TTC3: variants seen among roughly 807,000 people sequenced by gnomAD.
The protein encoded by TTC3 is tetratricopeptide repeat domain 3, also known as E3 ubiquitin-protein ligase TTC3.
Under a neutral mutation model 249.6 loss-of-function variants are expected in TTC3, and 180 were observed. That is an observed-to-expected ratio of 0.72 (90% CI 0.64 to 0.82). The LOEUF (loss-of-function observed/expected upper bound fraction) is 0.82. TTC3 is among the 40% of genes least tolerant of loss of function. The probability of loss-of-function intolerance (pLI) is 0.00; values close to 1 mark genes in which losing one functional copy is unlikely to be tolerated. For missense variants in TTC3, 2,061 were observed against 2,398.4 expected (o/e 0.86, Z 2.94); for synonymous variants, 717 against 805.0 (o/e 0.89, Z 1.85).
intron 36 of TTC3, among the ~76,000 whole-genome samples, chr21:37,184,143 C>G (rs73905425): frequency 0.022 from 3,315 of 152,220 alleles, 124 homozygotes; most frequent in African/African-American, 0.076. Flanking sequence ...AACACACTTA[C>G]GGAAACAATA....
At chr21:37,073,534 A>G (rs1397904071) in intron 1 of TTC3, 61 bp downstream of exon 1, 1 of 830,800 alleles carries the variant, frequency 1.2e-6, no homozygotes, top group Non-Finnish European at 1.3e-6. Context: ...CTGTGTCTGC[A>G]TGGGTTGGGT....
At chr21:37,162,642 G>C (rs1340221774) in intron 31 of TTC3, among the ~76,000 whole-genome samples, 1 of 114,700 alleles carries the variant, frequency 8.7e-6, no homozygotes, top group East Asian at 2.5e-4. Flanking sequence ...TTTCTTAAAG[G>C]AGCTATCAGA....
In TTC3 at chr21:37,093,923, A is replaced by G. The variant is rs192400894; in HGVS notation, c.602-82A>G. On this transcript the variant is annotated intron_variant, in intron 7 of 45. Transcript: ENST00000355666. ...GGACCGTTGTGGACTCACCTAACTC[A>G]AGAATTAGAATATTATCAATACCAA... The G allele has an allele frequency of 8.4e-3, 7,314 of 873,168 alleles. 37 individuals carry two copies. Among genetic ancestry groups the G allele is most frequent in the Non-Finnish European group, 0.012 (6,309 of 541,734 alleles). 54.1% of individuals were successfully genotyped at this position (873,168 alleles called of 1,614,324 possible).
intron 11 of TTC3, among the ~76,000 whole-genome samples, chr21:37,113,364 C>T (rs2075842560): frequency 6.6e-6 from 1 of 152,140 alleles, no homozygotes; most frequent in Admixed American, 6.5e-5. Context: ...AATCAATGTG[C>T]AAAAATCACA....
chr21:37,080,885 A>G (rs1601225174), intron 1 of TTC3, among the ~76,000 whole-genome samples: 1 of 151,988 alleles, frequency 6.6e-6, no homozygotes, highest in South Asian at 2.1e-4. Flanking sequence ...ATCTCACCAG[A>G]CAACTTCTGT....
intron 1 of TTC3, among the ~76,000 whole-genome samples, chr21:37,077,955 A>G (rs1241704276): frequency 6.6e-6 from 1 of 152,066 alleles, no homozygotes; most frequent in African/African-American, 2.4e-5. Flanking sequence ...GTTTCTTTTT[A>G]GAGGTTTTAA....
At chr21:37,191,560 C>T (rs1375398241) in intron 40 of TTC3, 136 bp downstream of exon 40, 2 of 532,028 alleles carry the variant, frequency 3.8e-6, no homozygotes, top group East Asian at 3.6e-5. Context: ...GTATTATGAG[C>T]TTTTCATGGA....
At chr21:37,162,853 G>A (rs2080893093) in intron 31 of TTC3, among the ~76,000 whole-genome samples, 1 of 152,148 alleles carries the variant, frequency 6.6e-6, no homozygotes, top group South Asian at 2.1e-4. Context: ...TTCAGTGTTT[G>A]GTGAGGGCCT....
At chr21:37,136,287 G>A (rs2077931131) in intron 18 of TTC3, among the ~76,000 whole-genome samples, 1 of 152,208 alleles carries the variant, frequency 6.6e-6, no homozygotes, top group South Asian at 2.1e-4. Context: ...GAATGATTAA[G>A]CTTCGTGAGG....
rs115302590 is a variant in TTC3 at position 37,101,031 on chromosome 21, A to G, written c.845+4388A>G. 194 of 152,322 alleles carry G rather than the reference A, an allele frequency of 1.3e-3. 1 individual carries two copies. The highest frequency in any genetic ancestry group is 4.2e-3 in the African/African-American group (174 of 41,560). 9.4% of individuals were successfully genotyped at this position (152,322 alleles called of 1,614,324 possible). A position where few individuals can be genotyped will look rare whatever the true frequency, so the allele number is the denominator to read the frequency against. On this transcript the variant is annotated intron_variant, in intron 10 of 45. Coordinates refer to ENST00000355666, the Ensembl canonical transcript of TTC3. ...GTTCATTCTTGTGAGACTCGTGGAA[A>G]ATTCAGATTCTTCGGTGGGATGTGA...
chr21:37,157,930 G>A (rs2080271491), intron 28 of TTC3, among the ~76,000 whole-genome samples: 2 of 152,148 alleles, frequency 1.3e-5, no homozygotes, highest in Admixed American at 1.3e-4. Flanking sequence ...AGAATCAGAA[G>A]TCTCCTTTAT....
At chr21:37,157,549 A>G (rs1037999034) in intron 28 of TTC3, among the ~76,000 whole-genome samples, 1 of 152,220 alleles carries the variant, frequency 6.6e-6, no homozygotes, top group African/African-American at 2.4e-5. Flanking sequence ...GAAGGTGCCA[A>G]GGGCATCAAA....
intron 10 of TTC3, chr21:37,107,610 G>A (rs1323951955): frequency 1.3e-5 from 2 of 152,148 alleles, no homozygotes; most frequent in African/African-American, 4.8e-5. Flanking sequence ...GCCCAGAGAT[G>A]TTAATAACTC....
intron 27 of TTC3, 151 bp from the exon 28 acceptor site, chr21:37,156,504 G>A (rs557871166): frequency 1.3e-4 from 115 of 911,370 alleles, no homozygotes; most frequent in Non-Finnish European, 1.8e-4. Context: ...ATGCCCAATA[G>A]CTTGAACGAA....
At chr21:37,169,905 T>A (rs1196811063) in intron 34 of TTC3, among the ~76,000 whole-genome samples, 1 of 151,106 alleles carries the variant, frequency 6.6e-6, no homozygotes, top group Non-Finnish European at 1.5e-5. Flanking sequence ...GAGCAAAAAC[T>A]GGATTATTAA....
exon 33 of TTC3, chr21:37,165,667 T>C (rs1204711434): frequency 4.3e-6 from 7 of 1,613,734 alleles, no homozygotes; most frequent in Non-Finnish European, 5.9e-6. Flanking sequence ...AAGCAGGAGG[T>C]TTAAAACCTT....
chr21:37,102,727 TG>T (rs1379152116), intron 10 of TTC3, among the ~76,000 whole-genome samples: 1 of 152,166 alleles, frequency 6.6e-6, no homozygotes, highest in East Asian at 1.9e-4. Context: ...CCAGGTGCAG[TG>T]GCTCGTGCCT....
intron 1 of TTC3, chr21:37,083,305 C>A: frequency 1.0e-6 from 1 of 985,372 alleles, no homozygotes; most frequent in Non-Finnish European, 1.2e-6. Flanking sequence ...CACAAAAGGT[C>A]TTCTATGCTT....
At chr21:37,087,509 A>AG in intron 2 of TTC3, 108 bp downstream of exon 2, 2 of 1,343,452 alleles carry the variant, frequency 1.5e-6, no homozygotes, top group Non-Finnish European at 2.1e-6. Flanking sequence ...TTTGACAGGG[A>AG]GGTACACATG....
Sources: gnomAD v4.1 joint callset for allele counts (sites outside exome capture counted in the v4.1 genomes callset) on GRCh38, gnomAD v4.1.1 for gene constraint, MANE v1.5 for transcripts, NCBI Gene and HGNC (gene_info 2026-07-23, HGNC 2026-07-21) for gene names.